The following CYP11B1 variants were observed in gnomAD, a reference collection of about 807,000 sequenced individuals.
CYP11B1 encodes cytochrome P450 11B1, mitochondrial.
A neutral mutation model predicts 48.3 loss-of-function variants in CYP11B1; 34 were observed. That is an observed-to-expected ratio of 0.70 (90% CI 0.54 to 0.94). CYP11B1 has a LOEUF of 0.94. CYP11B1 is among the 40% of genes least tolerant of loss of function. The pLI is 0.00. For missense variants in CYP11B1, 688 were observed against 657.4 expected (o/e 1.05, Z -0.51); for synonymous variants, 291 against 262.5 (o/e 1.11, Z -1.05).
At chr8:142,877,551 G>T (rs1817001554) in intron 2 of CYP11B1, among the ~76,000 whole-genome samples, 1 of 152,154 alleles carries the variant, frequency 6.6e-6, no homozygotes, top group South Asian at 2.1e-4. Context: ...AGGGGGGAGG[G>T]ATTTTCTGCA....
At position 142,874,951 on chromosome 8, in the gene CYP11B1, G is replaced by A. The variant is rs776284924; in HGVS notation, c.1398+6C>T. 1 of 1,612,992 alleles carries A rather than the reference G, an allele frequency of 6.2e-7. No individual in the cohort carries two copies. Among genetic ancestry groups the A allele is most frequent in the Non-Finnish European group, 8.5e-7 (1 of 1,179,974 alleles). ...CCAGGCCCCTCCCCAGCCCGGGCCTGCTCACATGGTGCAGCAGCAGCAGCA... is the reference window on the plus strand; with the variant it reads ...CCAGGCCCCTCCCCAGCCCGGGCCTACTCACATGGTGCAGCAGCAGCAGCA... On this transcript the variant is annotated splice_donor_region_variant and intron_variant, in intron 8 of 8. Transcript: ENST00000292427.
intron 2 of CYP11B1, among the ~76,000 whole-genome samples, chr8:142,878,442 G>C (rs1211621921): frequency 6.6e-6 from 1 of 152,090 alleles, no homozygotes; most frequent in African/African-American, 2.4e-5. Context: ...CTGACCAGGC[G>C]CCACCCTCTG....
intron 2 of CYP11B1, among the ~76,000 whole-genome samples, chr8:142,878,200 T>G (rs1817023375): frequency 6.6e-6 from 1 of 152,178 alleles, no homozygotes; most frequent in African/African-American, 2.4e-5. Flanking sequence ...CTTCTGGACT[T>G]GCCTTCCTGG....
Position 142,879,586 on chromosome 8 carries a change from C to T in CYP11B1, c.228G>A (p.Gly76=), listed in dbSNP as rs780130248. ...LEVHQTFQEL[G]PIFRYDLGGA... Reference sequence around the variant, plus strand: ...AGGGAGGGCTTTACCTGAAAATGGGCCCTAGTTCCTGGAAGGTCTGGTGTA... The same window carrying T: ...AGGGAGGGCTTTACCTGAAAATGGGTCCTAGTTCCTGGAAGGTCTGGTGTA... The change falls in exon 1 of 9, where the codon GGG becomes GGA. Residue 76 remains glycine, a synonymous_variant. Transcript: ENST00000292427. 2.0e-5 allele frequency: 32 copies of T among 1,614,084 alleles called. No homozygotes were observed. The East Asian group carries it at 3.6e-4, about 18-fold the overall frequency.
rs1816992771 is a variant in CYP11B1 at position 142,877,330 on chromosome 8, C to G, written c.396-108G>C. 4 of 1,053,304 alleles carry G rather than the reference C, an allele frequency of 3.8e-6. No individual in the cohort carries two copies. In the Admixed American group the frequency reaches 8.0e-5, roughly 21 times the overall value. 65.2% of individuals were successfully genotyped at this position (1,053,304 alleles called of 1,614,324 possible). On this transcript the variant is annotated intron_variant, in intron 2 of 8. Transcript: ENST00000292427. Reference sequence around the variant, plus strand: ...GGGGAATCGGCCTGCAGGGAGCTGACTGGGGGCCCTGGTAGAAGCTGCCTG... The same window carrying G: ...GGGGAATCGGCCTGCAGGGAGCTGAGTGGGGGCCCTGGTAGAAGCTGCCTG...
chr8:142,879,628 C>G lies in CYP11B1; in HGVS notation c.186G>C (p.Glu62Asp). ...TCTGGTGTACTTCCAGGTGCAGGTC[C>G]TCATAACCCTGCTCCCTCCAGATCT... ...LLQIWREQGY[E>D]DLHLEVHQTF... The change falls in exon 1 of 9, where the codon GAG (glutamate) becomes GAC (aspartate). Residue 62 changes from glutamate (E) to aspartate (D), a missense_variant. Transcript: ENST00000292427. 1 of 1,614,248 alleles carries G rather than the reference C, an allele frequency of 6.2e-7. No homozygotes were observed. The highest frequency in any genetic ancestry group is 8.5e-7 in the Non-Finnish European group (1 of 1,180,044).
Position 142,878,521 on chromosome 8 carries a change from T to C in CYP11B1, c.395+511A>G, listed in dbSNP as rs538658276. ...CCTCGTGCCTTGCTTCTGAGAACAA[T>C]GGAGCCACCAGCCACCTGCATCCCC... On this transcript the variant is annotated intron_variant, in intron 2 of 8. Coordinates refer to ENST00000292427, the MANE Select transcript of CYP11B1 (RefSeq NM_000497.4). Among the ~76,000 whole-genome samples the C allele has an allele frequency of 7.2e-5, 11 of 152,328 alleles. No individual in the cohort carries two copies. The East Asian group carries it at 7.7e-4, about 11-fold the overall frequency.
chr8:142,875,246 G>A lies in CYP11B1; in HGVS notation c.1188C>T (p.His396=), dbSNP rs746452616. The A allele has an allele frequency of 1.2e-6, 2 of 1,614,074 alleles. No individual in the cohort carries two copies. Among genetic ancestry groups the A allele is most frequent in the Non-Finnish European group, 8.5e-7 (1 of 1,180,022 alleles). The change falls in exon 7 of 9, where the codon CAC becomes CAT. Residue 396 remains histidine, a synonymous_variant. Transcript: ENST00000292427. ...GGGGCTCACTCACCCCAGCTGGGAT[G>A]TGGTAGTTCTGAAGCACCAAGTCTG... ...ASSDLVLQNY[H]IPAGTLVRVF... is the part of the protein sequence containing the mutation.
chr8:142,874,472 G>A lies in CYP11B1; in HGVS notation c.1413C>T (p.Leu471=). The A allele has an allele frequency of 6.2e-7, 1 of 1,613,460 alleles. No individual in the cohort carries two copies. Among genetic ancestry groups the A allele is most frequent in the Non-Finnish European group, 8.5e-7 (1 of 1,179,370 alleles). The change falls in exon 9 of 9, where the codon CTC becomes CTT. Residue 471 remains leucine, a synonymous_variant. Coordinates refer to ENST00000292427, the MANE Select transcript of CYP11B1 (RefSeq NM_000497.4). The stretch of plus-strand genomic sequence containing the variant: ...CCTCTTGGGTTAGTGTCTCCACCTG[G>A]AGGTGTTTCAGCACCTAGGACAGAA... ...LLLLHHVLKH[L]QVETLTQEDI...
At chr8:142,876,042 G>T in intron 5 of CYP11B1, 164 bp from the exon 6 acceptor site, 1 of 1,128,436 alleles carries the variant, frequency 8.9e-7, no homozygotes, top group Non-Finnish European at 1.3e-6. Flanking sequence ...CCCTTTCCCT[G>T]AGTCCTCCAC....
In CYP11B1 at chr8:142,879,437, C is replaced by A. The variant is rs1817074874; in HGVS notation, c.239+138G>T. ...TGGCAGCGCCACAGACCAGCACGTG[C>A]TGCACTCCTTCCCCATCTTCCAAAG... On this transcript the variant is annotated intron_variant, in intron 1 of 8. Transcript: ENST00000292427. 7 of 1,613,570 alleles carry A rather than the reference C, an allele frequency of 4.3e-6. No individual in the cohort carries two copies. In the East Asian group the frequency reaches 1.6e-4, roughly 36 times the overall value.
Position 142,877,111 on chromosome 8 carries a change from G to C in CYP11B1, c.507C>G (p.Ser169=), listed in dbSNP as rs778663813. 3.7e-6 allele frequency: 6 copies of C among 1,614,066 alleles called. No homozygotes were observed. The East Asian group carries it at 1.3e-4, about 36-fold the overall frequency. ...PMVDAVARDF[S]QALKKKVLQN... is the part of the protein sequence containing the mutation. The stretch of plus-strand genomic sequence containing the variant: ...GCAGCACCTTCTTCTTCAGGGCCTG[G>C]GAGAAGTCCCTGGCCACTGCATCCA... The change falls in exon 3 of 9, where the codon TCC becomes TCG. Residue 169 remains serine, a synonymous_variant. Coordinates refer to ENST00000292427, the MANE Select transcript of CYP11B1 (RefSeq NM_000497.4).
intron 5 of CYP11B1, 174 bp from the exon 6 acceptor site, chr8:142,876,052 C>T: frequency 8.9e-7 from 1 of 1,117,604 alleles, no homozygotes; most frequent in Non-Finnish European, 1.3e-6. Context: ...GAGTCCTCCA[C>T]AGAAAGGAAC....
In CYP11B1 at chr8:142,876,219, T is replaced by C. The variant is rs777316392; in HGVS notation, c.954+22A>G. On this transcript the variant is annotated intron_variant, in intron 5 of 8. Coordinates refer to ENST00000292427, the MANE Select transcript of CYP11B1 (RefSeq NM_000497.4). ...CAGGCTTGGCATCACCCTCTCTGGG[T>C]GGGGCTGGTTGCCGGCCTGACCGTG... The C allele has an allele frequency of 5.0e-6, 8 of 1,613,972 alleles. No individual in the cohort carries two copies. The South Asian group carries it at 8.8e-5, about 18-fold the overall frequency.
rs747020229 is a variant in CYP11B1 at position 142,876,752 on chromosome 8, G to C, written c.729C>G (p.Ser243Arg). ...CCTTGGGGCTGGTCCAGCGAGACAG[G>C]CTCCTGGGCATGAACATGAGCTGGA... Reference protein sequence around the residue: ...STVQLMFMPRSLSRWTSPKVW... With the variant: ...STVQLMFMPRRLSRWTSPKVW... Residue 243 changes from serine to arginine, a missense_variant, in exon 4 of 9, where the codon AGC becomes AGG. By Grantham distance (110) the Ser-to-Arg change is moderately radical (BLOSUM62 -1). Transcript: ENST00000292427. The C allele has an allele frequency of 1.5e-5, 25 of 1,613,974 alleles. No homozygotes were observed. In the South Asian group the frequency reaches 2.7e-4, roughly 18 times the overall value.
chr8:142,876,827 A>G lies in CYP11B1; in HGVS notation c.654T>C (p.Ser218=). Residue 218 remains serine, a synonymous_variant, in exon 4 of 9, where the codon TCT becomes TCC. Coordinates refer to ENST00000292427, the MANE Select transcript of CYP11B1 (RefSeq NM_000497.4). ...RLGLVGHSPS[S]ASLNFLHALE... ...GGGCATGGAGGAAGTTCAGGCTGGC[A>G]GAACTGGGGCTGTGGCCAACCAGGC... 1 of 1,614,210 alleles carries G rather than the reference A, an allele frequency of 6.2e-7. No individual in the cohort carries two copies. The highest frequency in any genetic ancestry group is 8.5e-7 in the Non-Finnish European group (1 of 1,180,042).
At chr8:142,874,833 C>T (rs1339047565) in intron 8 of CYP11B1, 124 bp downstream of exon 8, 9 of 1,260,404 alleles carry the variant, frequency 7.1e-6, no homozygotes, top group Non-Finnish European at 1.0e-5. Context: ...CCAGTACCGG[C>T]TCTGCCCAGT....
intron 8 of CYP11B1, 45 bp downstream of exon 8, chr8:142,874,912 T>C: frequency 6.2e-7 from 1 of 1,607,610 alleles, no homozygotes. Context: ...CCGCCCATGC[T>C]GCCCAGACCC....
At chr8:142,879,524 A>G (rs760426236) in intron 1 of CYP11B1, 51 bp downstream of exon 1, 7 of 1,614,054 alleles carry the variant, frequency 4.3e-6, no homozygotes, top group Non-Finnish European at 5.1e-6. Context: ...GGTCCTGGGC[A>G]GCAAGGGCAG....
Sources: allele counts gnomAD v4.1 joint callset (sites outside exome capture counted in the v4.1 genomes callset), GRCh38; gene constraint gnomAD v4.1.1; transcripts MANE v1.5; gene names NCBI Gene and HGNC (gene_info 2026-07-23, HGNC 2026-07-21).